Variants in PAN3 observed in about 807,000 individuals in gnomAD.
PAN3 encodes poly(A) specific ribonuclease subunit PAN3, also known as PAN2-PAN3 deadenylation complex subunit PAN3.
Under a neutral mutation model 96.2 loss-of-function variants are expected in PAN3, and 19 were observed. The observed-to-expected ratio is 0.20, with a 90% CI of 0.14 to 0.29. The LOEUF (loss-of-function observed/expected upper bound fraction) is 0.29, where lower values mean the gene tolerates loss of function less well. PAN3 is among the 10% of genes least tolerant of loss of function. The pLI is 1.00. For missense variants in PAN3, 882 were observed against 1,108.1 expected (o/e 0.80, Z 2.90); for synonymous variants, 433 against 406.6 (o/e 1.06, Z -0.78).
intron 4 of PAN3, among the ~76,000 whole-genome samples, chr13:28,192,008 A>T (rs1877329771): frequency 6.7e-6 from 1 of 149,608 alleles, no homozygotes; most frequent in Admixed American, 6.6e-5. Context: ...AAGTGCTGGG[A>T]TTACAGGCAT....
chr13:28,206,385 G>A (rs1328992398), intron 5 of PAN3, among the ~76,000 whole-genome samples: 1 of 144,036 alleles, frequency 6.9e-6, no homozygotes, highest in Non-Finnish European at 1.5e-5. Flanking sequence ...GTGCAGTGGT[G>A]CGATCTCGGC....
rs1049483009 is a variant in PAN3, at chr13:28,148,309, G to A, written c.430+9222G>A. Among the ~76,000 whole-genome samples, 6 of 152,082 alleles carry A rather than the reference G, an allele frequency of 3.9e-5. No homozygotes were observed. In the East Asian group the frequency reaches 1.2e-3, roughly 29 times the overall value. On this transcript the variant is annotated intron_variant, in intron 1 of 18. Transcript: ENST00000380958. ...TATATATATATTTTTTAGAGATGGG[G>A]TCTTGCTCATTTGCCCAGGCTGGAG... is the stretch of plus-strand genomic sequence containing the variant.
intron 1 of PAN3, among the ~76,000 whole-genome samples, chr13:28,143,735 C>G (rs1009902029): frequency 1.3e-5 from 2 of 152,164 alleles, no homozygotes; most frequent in African/African-American, 2.4e-5. Flanking sequence ...GTATTTCCTT[C>G]TTCAAATTTT....
At chr13:28,185,432 C>T (rs1876329404) in intron 4 of PAN3, among the ~76,000 whole-genome samples, 1 of 152,150 alleles carries the variant, frequency 6.6e-6, no homozygotes, top group South Asian at 2.1e-4. Flanking sequence ...TTTGTTTTAA[C>T]AAGTGTGAGG....
chr13:28,150,088 A>C (rs1002530346), intron 1 of PAN3, among the ~76,000 whole-genome samples: 4 of 152,160 alleles, frequency 2.6e-5, no homozygotes, highest in African/African-American at 9.7e-5. Context: ...ATTTGATGGT[A>C]TACTTGATTG....
intron 16 of PAN3, 139 bp downstream of exon 16, chr13:28,280,680 G>A (rs1887400806): frequency 1.3e-5 from 9 of 718,382 alleles, no homozygotes; most frequent in Non-Finnish European, 1.9e-5. Context: ...TCCTGCCTCA[G>A]CCTCCCAAGT....
intron 6 of PAN3, among the ~76,000 whole-genome samples, chr13:28,244,820 C>T (rs1476350529): frequency 6.6e-6 from 1 of 151,322 alleles, no homozygotes; most frequent in Non-Finnish European, 1.5e-5. Flanking sequence ...ATATAATTAG[C>T]TTGGTTAATA....
intron 5 of PAN3, among the ~76,000 whole-genome samples, chr13:28,199,589 T>C (rs1190839946): frequency 6.6e-6 from 1 of 152,110 alleles, no homozygotes; most frequent in Non-Finnish European, 1.5e-5. Context: ...AAAATACTCA[T>C]CTCGTCTCTA....
At chr13:28,250,721 C>G (rs578006605) in intron 6 of PAN3, among the ~76,000 whole-genome samples, 13 of 152,262 alleles carry the variant, frequency 8.5e-5, no homozygotes, top group African/African-American at 3.1e-4. Context: ...CCAGACTGGC[C>G]TCTAACGCCT....
chr13:28,243,837 C>T (rs1485599754), intron 6 of PAN3, among the ~76,000 whole-genome samples: 4 of 151,954 alleles, frequency 2.6e-5, no homozygotes, highest in South Asian at 2.1e-4. Context: ...TACAGGTGTG[C>T]GCCACCACGC....
intron 4 of PAN3, among the ~76,000 whole-genome samples, chr13:28,186,744 T>A (rs1041909409): frequency 6.7e-6 from 1 of 149,842 alleles, no homozygotes; most frequent in Non-Finnish European, 1.5e-5. Context: ...GTGGGAGGTT[T>A]GAGTTCAGGG....
rs952019617 is a variant in PAN3, at chr13:28,155,281, CAT to C, written c.430+16198_430+16199del. Among the ~76,000 whole-genome samples, 8 of 152,064 alleles carry C rather than the reference CAT, an allele frequency of 5.3e-5. No individual in the cohort carries two copies. In the East Asian group the frequency reaches 1.6e-3, roughly 29 times the overall value. ...TATTTAACATTTTTGTGCTAGGTAT[CAT>C]ATAGATGTTGGGGAATACAAAGACA... On this transcript the variant is annotated intron_variant, in intron 1 of 18. Transcript: ENST00000380958.
At chr13:28,271,547 C>T (rs1415247853) in intron 13 of PAN3, among the ~76,000 whole-genome samples, 1 of 152,182 alleles carries the variant, frequency 6.6e-6, no homozygotes, top group African/African-American at 2.4e-5. Context: ...CTACTAACTC[C>T]ATTCTGCTTA....
intron 1 of PAN3, among the ~76,000 whole-genome samples, chr13:28,153,262 A>AGT (rs1221541669): frequency 8.0e-6 from 1 of 124,934 alleles, no homozygotes; most frequent in African/African-American, 3.2e-5. Flanking sequence ...TTTGAGACCG[A>AGT]GTCTCGCTCT....
intron 6 of PAN3, among the ~76,000 whole-genome samples, chr13:28,234,396 T>A (rs989754994): frequency 1.3e-5 from 2 of 152,146 alleles, no homozygotes; most frequent in African/African-American, 4.8e-5. Flanking sequence ...TATGAAAAAT[T>A]AAAATTTTTC....
At chr13:28,255,432 T>C (rs1316833810) in intron 6 of PAN3, among the ~76,000 whole-genome samples, 1 of 152,226 alleles carries the variant, frequency 6.6e-6, no homozygotes, top group Non-Finnish European at 1.5e-5. Context: ...CTTTTACATG[T>C]GACCTGGTCT....
At chr13:28,175,207 G>C (rs549231038) in intron 2 of PAN3, among the ~76,000 whole-genome samples, 114 of 152,234 alleles carry the variant, frequency 7.5e-4, no homozygotes, top group Middle Eastern at 6.8e-3. Context: ...TATTACAATA[G>C]GATATTTAAA....
Position 28,271,461 on chromosome 13 carries a change from A to T in PAN3, c.1959-520A>T, listed in dbSNP as rs45441303. Among the ~76,000 whole-genome samples, 501 of 152,308 alleles carry T rather than the reference A, an allele frequency of 3.3e-3. 2 individuals are homozygous for T. The highest frequency in any genetic ancestry group is 0.011 in the African/African-American group (461 of 41,564). On this transcript the variant is annotated intron_variant, in intron 13 of 18. Coordinates refer to ENST00000380958, the MANE Select transcript of PAN3 (RefSeq NM_175854.8). ...TATTTAAGTTCATATCCTGGCTTTGATAGTTTACTGTCGATATGCCGTTGA... is the reference window on the plus strand; with the variant it reads ...TATTTAAGTTCATATCCTGGCTTTGTTAGTTTACTGTCGATATGCCGTTGA...
intron 1 of PAN3, among the ~76,000 whole-genome samples, chr13:28,163,748 A>G (rs1593388398): frequency 6.6e-6 from 1 of 152,340 alleles, no homozygotes; most frequent in East Asian, 1.9e-4. Flanking sequence ...CTGGAGGAGA[A>G]AGTTCAATCG....
Sources: gnomAD v4.1 joint callset for allele counts (sites outside exome capture counted in the v4.1 genomes callset) on GRCh38, gnomAD v4.1.1 for gene constraint, MANE v1.5 for transcripts, NCBI Gene and HGNC (gene_info 2026-07-23, HGNC 2026-07-21) for gene names.